The following DOCK5 variants were observed in gnomAD, a reference collection of about 807,000 sequenced individuals.
DOCK5 encodes the protein dedicator of cytokinesis 5.
A neutral mutation model predicts 251.8 loss-of-function variants in DOCK5; 142 were observed. That is an observed-to-expected ratio of 0.56 (90% CI 0.49 to 0.65). DOCK5 has a LOEUF of 0.65. DOCK5 is among the 30% of genes least tolerant of loss of function. The pLI, the probability that DOCK5 is intolerant of heterozygous loss-of-function variation, is 0.00. For missense variants in DOCK5, 2,111 were observed against 2,312.3 expected, an observed-to-expected ratio of 0.91 and a Z score of 1.79; for synonymous variants, 842 against 835.5, an observed-to-expected ratio of 1.01 and a Z score of -0.13.
intron 18 of DOCK5, among the ~76,000 whole-genome samples, chr8:25,331,616 A>G (rs1805682732): frequency 6.6e-6 from 1 of 152,130 alleles, no homozygotes; most frequent in South Asian, 2.1e-4. Flanking sequence ...AAACAGTATG[A>G]TAGAGTAGCA....
At chr8:25,369,701 A>G in intron 34 of DOCK5, 60 bp downstream of exon 34, 2 of 1,471,044 alleles carry the variant, frequency 1.4e-6, no homozygotes, top group South Asian at 1.2e-5. Context: ...AGAGAAAAAC[A>G]GGGGTCCTGT....
chr8:25,270,100 A>G lies in DOCK5; in HGVS notation c.168+1215A>G, dbSNP rs139844942. ...GTTAACTTTGACAGTTTATTCATCT[A>G]GCAAAATAAAGGAATGTTTGCTTTT... On this transcript the variant is annotated intron_variant, in intron 3 of 51. Coordinates refer to ENST00000276440, the MANE Select transcript of DOCK5 (RefSeq NM_024940.8). 3.5e-3 allele frequency among the ~76,000 whole-genome samples: 539 copies of G among 152,342 alleles called. 1 individual carries two copies. The highest frequency in any genetic ancestry group is 0.012 in the African/African-American group (517 of 41,582).
chr8:25,264,691 G>T (rs1803690510), intron 2 of DOCK5, among the ~76,000 whole-genome samples: 1 of 151,808 alleles, frequency 6.6e-6, no homozygotes, highest in African/African-American at 2.4e-5. Flanking sequence ...GCTAGGCATG[G>T]TGGCACACCT....
intron 2 of DOCK5, among the ~76,000 whole-genome samples, chr8:25,254,635 C>T (rs370490098): frequency 3.3e-5 from 5 of 151,398 alleles, no homozygotes; most frequent in African/African-American, 7.3e-5. Flanking sequence ...ATTAGCCGGG[C>T]GTGGTGGTGG....
chr8:25,283,647 C>A (rs1464991176), intron 5 of DOCK5, among the ~76,000 whole-genome samples: 1 of 152,094 alleles, frequency 6.6e-6, no homozygotes, highest in African/African-American at 2.4e-5. Context: ...GACTGCCTGC[C>A]CAAGACTCTG....
chr8:25,192,694 T>C (rs1801615974), intron 1 of DOCK5, among the ~76,000 whole-genome samples: 1 of 152,102 alleles, frequency 6.6e-6, no homozygotes, highest in African/African-American at 2.4e-5. Context: ...GTTGTTTTCG[T>C]AGACACAGGG....
At chr8:25,309,710 A>C (rs190043149) in intron 12 of DOCK5, among the ~76,000 whole-genome samples, 30 of 152,128 alleles carry the variant, frequency 2.0e-4, no homozygotes, top group African/African-American at 7.2e-4. Context: ...AATCCCAGCT[A>C]CTGGGAAGGC....
At chr8:25,286,938 C>A (rs1164873540) in intron 5 of DOCK5, among the ~76,000 whole-genome samples, 1 of 152,130 alleles carries the variant, frequency 6.6e-6, no homozygotes, top group Non-Finnish European at 1.5e-5. Context: ...ACCCCAGCCT[C>A]CCAAAGTGCT....
intron 41 of DOCK5, among the ~76,000 whole-genome samples, chr8:25,389,762 T>G (rs895843635): frequency 6.6e-6 from 1 of 152,178 alleles, no homozygotes; most frequent in Non-Finnish European, 1.5e-5. Context: ...ATAGTAGAGA[T>G]AACACATTCA....
At chr8:25,388,496 T>C (rs1801202594) in intron 40 of DOCK5, among the ~76,000 whole-genome samples, 1 of 151,982 alleles carries the variant, frequency 6.6e-6, no homozygotes, top group South Asian at 2.1e-4. Context: ...GTGGAGAAAA[T>C]AGTATTTAAT....
At chr8:25,397,994 A>G (rs1192016171) in intron 45 of DOCK5, among the ~76,000 whole-genome samples, 1 of 151,768 alleles carries the variant, frequency 6.6e-6, no homozygotes, top group African/African-American at 2.4e-5. Flanking sequence ...CCGTCATTAC[A>G]TATTTGATGT....
Position 25,374,603 on chromosome 8 carries a change from G to C in DOCK5, c.3765G>C (p.Glu1255Asp). 1 of 1,613,438 alleles carries C rather than the reference G, an allele frequency of 6.2e-7. No individual in the cohort carries two copies. Among genetic ancestry groups the C allele is most frequent in the East Asian group, 2.2e-5 (1 of 44,866 alleles). ...YKLRDLHRDC[E>D]NYTEAAYTLL... ...TTCGAGATTTGCACCGAGACTGTGA[G>C]AACTACACAGAAGCTGCCTACACGC... The change falls in exon 37 of 52, where the codon GAG becomes GAC. Residue 1255 changes from glutamate to aspartate, a missense_variant. Around this residue, in one of 3 missense-constraint regions of DOCK5, gnomAD observed 1,717 missense variants for 1,892.4 expected, o/e 0.91. Coordinates refer to ENST00000276440, the MANE Select transcript of DOCK5 (RefSeq NM_024940.8).
In DOCK5 at chr8:25,223,554, A is replaced by G. The variant is rs1483590196; in HGVS notation, c.44-20120A>G. Among the ~76,000 whole-genome samples, 3 of 152,182 alleles carry G rather than the reference A, an allele frequency of 2.0e-5. No individual in the cohort carries two copies. In the South Asian group the frequency reaches 6.2e-4, roughly 31 times the overall value. ...GGTCTCCAACTCCTGTCCTCAAGCA[A>G]TCGTCCTGTCTTGGCCTCCTACCAT... On this transcript the variant is annotated intron_variant, in intron 1 of 51. Transcript: ENST00000276440.
At position 25,345,630 on chromosome 8, in the gene DOCK5, G is replaced by A; in HGVS notation, c.2754+19G>A. ...GGATGTGGTGAGTTGAGTCATCACT[G>A]ATGCTGCACAGAGTTCACACTGTCC... On this transcript the variant is annotated intron_variant, in intron 26 of 51. Coordinates refer to ENST00000276440, the MANE Select transcript of DOCK5 (RefSeq NM_024940.8). The A allele has an allele frequency of 6.2e-7, 1 of 1,613,106 alleles. No homozygotes were observed. The highest frequency in any genetic ancestry group is 1.1e-5 in the South Asian group (1 of 91,034).
intron 5 of DOCK5, 24 bp from the exon 6 acceptor site, chr8:25,292,000 C>A: frequency 6.6e-7 from 1 of 1,523,600 alleles, no homozygotes; most frequent in East Asian, 2.4e-5. Context: ...AGAATCTTTT[C>A]TTCATCATAT....
At chr8:25,306,246 C>T (rs546775221) in intron 11 of DOCK5, among the ~76,000 whole-genome samples, 16 of 152,214 alleles carry the variant, frequency 1.1e-4, no homozygotes, top group Admixed American at 4.6e-4. Flanking sequence ...CCTTCCAAGA[C>T]GAGACAAATA....
chr8:25,187,710 C>T (rs571156784), intron 1 of DOCK5, among the ~76,000 whole-genome samples: 3 of 152,030 alleles, frequency 2.0e-5, no homozygotes, highest in East Asian at 1.9e-4. Flanking sequence ...CATTATCTCT[C>T]GAGGCTTCTT....
chr8:25,240,873 G>A (rs1004656930), intron 1 of DOCK5, among the ~76,000 whole-genome samples: 5 of 152,126 alleles, frequency 3.3e-5, no homozygotes, highest in African/African-American at 4.8e-5. Context: ...AAACAGGGCT[G>A]TGCTCCCTCC....
intron 20 of DOCK5, among the ~76,000 whole-genome samples, chr8:25,333,405 T>C (rs1473596229): frequency 6.6e-6 from 1 of 152,114 alleles, no homozygotes; most frequent in African/African-American, 2.4e-5. Flanking sequence ...AGGTTTAAGA[T>C]AAAGAAAGAA....
Sources: gnomAD v4.1 joint callset for allele counts (sites outside exome capture counted in the v4.1 genomes callset) on GRCh38, gnomAD v4.1.1 for gene constraint, gnomAD v4.1.1 regional missense constraint, MANE v1.5 for transcripts, NCBI Gene and HGNC (gene_info 2026-07-23, HGNC 2026-07-21) for gene names.